The following TAFA5 variants were observed in gnomAD, a reference collection of about 807,000 sequenced individuals.
TAFA5 encodes the protein TAFA chemokine like family member 5, also known as chemokine-like protein TAFA-5.
In TAFA5, 6 loss-of-function variants were observed where a neutral mutation model predicts 15.3. The observed-to-expected ratio is 0.39, with a 90% CI of 0.21 to 0.77. The LOEUF (loss-of-function observed/expected upper bound fraction) is 0.77, where lower values mean the gene tolerates loss of function less well. Among genes scored for constraint, TAFA5 ranks in the 30% least tolerant of loss-of-function variants. The pLI is 0.41. For missense variants in TAFA5, 161 were observed against 193.1 expected (o/e 0.83, Z 0.98); for synonymous variants, 103 against 80.7 (o/e 1.28, Z -1.48).
chr22:48,682,869 G>A (rs1389252617), intron 2 of TAFA5, among the ~76,000 whole-genome samples: 1 of 152,130 alleles, frequency 6.6e-6, no homozygotes, highest in Non-Finnish European at 1.5e-5. Context: ...TCAAGGTTGT[G>A]TTTCATTACA....
At position 48,583,251 on chromosome 22, in the gene TAFA5, C is replaced by A. The variant is rs541017520; in HGVS notation, c.113-63346C>A. On this transcript the variant is annotated intron_variant, in intron 1 of 3. Coordinates refer to ENST00000402357, the MANE Select transcript of TAFA5 (RefSeq NM_001082967.3). Reference sequence around the variant, plus strand: ...AAATACACCACACACCGCACACACACCACACACTATACACACACCACACAC... The same window carrying A: ...AAATACACCACACACCGCACACACAACACACACTATACACACACCACACAC... 2.3e-3 allele frequency among the ~76,000 whole-genome samples: 321 copies of A among 139,162 alleles called. 2 individuals carry two copies. Among genetic ancestry groups the A allele is most frequent in the Non-Finnish European group, 8.4e-4 (54 of 64,538 alleles). 91.3% of individuals were successfully genotyped at this position (139,162 alleles called of 152,430 possible).
intron 1 of TAFA5, among the ~76,000 whole-genome samples, chr22:48,613,705 C>G (rs972268615): frequency 6.6e-6 from 1 of 152,222 alleles, no homozygotes; most frequent in Non-Finnish European, 1.5e-5. Context: ...GGCCTTTCCC[C>G]GGCTGCCCTT....
intron 1 of TAFA5, among the ~76,000 whole-genome samples, chr22:48,603,248 G>A (rs1235685664): frequency 2.0e-5 from 3 of 152,234 alleles, no homozygotes; most frequent in Non-Finnish European, 2.9e-5. Flanking sequence ...AGTTCCGGTA[G>A]GGGGAGGGCT....
chr22:48,648,765 T>C (rs965713501), intron 2 of TAFA5, among the ~76,000 whole-genome samples: 5 of 151,618 alleles, frequency 3.3e-5, no homozygotes, highest in Non-Finnish European at 5.9e-5. Flanking sequence ...GAGGCGGAGG[T>C]TGCAGTGAGC....
At chr22:48,585,172 G>A (rs972778705) in intron 1 of TAFA5, among the ~76,000 whole-genome samples, 2 of 130,640 alleles carry the variant, frequency 1.5e-5, no homozygotes, top group East Asian at 2.4e-4. Flanking sequence ...CACCACACAC[G>A]ACACACTGTG....
At chr22:48,547,643 G>A (rs1019307007) in intron 1 of TAFA5, among the ~76,000 whole-genome samples, 2 of 152,126 alleles carry the variant, frequency 1.3e-5, no homozygotes, top group Non-Finnish European at 2.9e-5. Flanking sequence ...TCCACTTTAG[G>A]GACATTATCT....
chr22:48,648,490 A>G (rs1926943526), intron 2 of TAFA5, among the ~76,000 whole-genome samples: 1 of 152,150 alleles, frequency 6.6e-6, no homozygotes, highest in East Asian at 1.9e-4. Flanking sequence ...GCGTACAGAG[A>G]CAGGGCCAAG....
chr22:48,549,865 C>T (rs776894097), intron 1 of TAFA5, among the ~76,000 whole-genome samples: 1 of 152,224 alleles, frequency 6.6e-6, no homozygotes, highest in African/African-American at 2.4e-5. Context: ...CAAAGTCCCC[C>T]GCTAGCAGTG....
chr22:48,731,375 C>T (rs1301827381), intron 3 of TAFA5, among the ~76,000 whole-genome samples: 8 of 152,228 alleles, frequency 5.3e-5, no homozygotes, highest in Non-Finnish European at 2.9e-5. Context: ...ATGAAGGTGG[C>T]TCCATTAGAC....
intron 1 of TAFA5, among the ~76,000 whole-genome samples, chr22:48,623,653 G>A (rs957667009): frequency 1.3e-5 from 2 of 152,260 alleles, no homozygotes; most frequent in African/African-American, 4.8e-5. Flanking sequence ...TGTGCAGGAG[G>A]AAGAGCCAGC....
chr22:48,533,283 G>A (rs1233100154), intron 1 of TAFA5, among the ~76,000 whole-genome samples: 2 of 152,156 alleles, frequency 1.3e-5, no homozygotes, highest in African/African-American at 4.8e-5. Flanking sequence ...TGAGGGGGAG[G>A]GGTGCAGCCG....
rs529085831 is a variant in TAFA5, at chr22:48,551,191, C to G, written c.112+61487C>G. Among the ~76,000 whole-genome samples, 12 of 152,190 alleles carry G rather than the reference C, an allele frequency of 7.9e-5. No individual in the cohort carries two copies. In the South Asian group the frequency reaches 2.5e-3, roughly 32 times the overall value. On this transcript the variant is annotated intron_variant, in intron 1 of 3. Transcript: ENST00000402357. ...ACAGCCATGCTGAAGACCCCTCAGC[C>G]TGGGCTCCCAGGGCCCCTGACCCTG...
At chr22:48,708,940 T>G (rs1929166802) in intron 3 of TAFA5, among the ~76,000 whole-genome samples, 1 of 151,922 alleles carries the variant, frequency 6.6e-6, no homozygotes, top group Non-Finnish European at 1.5e-5. Flanking sequence ...TTTGGTGGAG[T>G]TGCTGCAAGG....
chr22:48,593,018 G>T (rs1474526060), intron 1 of TAFA5, among the ~76,000 whole-genome samples: 1 of 152,154 alleles, frequency 6.6e-6, no homozygotes, highest in East Asian at 1.9e-4. Flanking sequence ...GAGTGGGGCG[G>T]GGGGGTCTGT....
intron 1 of TAFA5, among the ~76,000 whole-genome samples, chr22:48,538,141 AAG>A (rs1430769874): frequency 2.7e-5 from 4 of 150,186 alleles, no homozygotes; most frequent in Admixed American, 1.3e-4. Flanking sequence ...ATAACAAAAA[AAG>A]AAAAATACGT....
intron 2 of TAFA5, among the ~76,000 whole-genome samples, chr22:48,666,514 T>TACTGAGGCCCGTGACTAGGTGA (rs1555897556): frequency 7.8e-4 from 116 of 148,348 alleles, no homozygotes; most frequent in South Asian, 3.0e-3. Context: ...TGACCAGGCG[T>TACTGAGGCCCGTGACTAGGTGA]TACTGAGGCC....
chr22:48,567,573 C>T (rs1038659678), intron 1 of TAFA5, among the ~76,000 whole-genome samples: 1 of 152,116 alleles, frequency 6.6e-6, no homozygotes, highest in Admixed American at 6.6e-5. Flanking sequence ...GCAGGGCTGG[C>T]CAGCGTGGGC....
rs1928362596 is a variant in TAFA5, at chr22:48,497,277, G to GC, written c.112+7573_112+7574insC. ...GGGAGGACGCAGGGAGGAGAAGCCG[G>GC]GGCCTGCGGTCCCACGGGGCCCGGC... On this transcript the variant is annotated intron_variant, in intron 1 of 3. Coordinates refer to ENST00000402357, the MANE Select transcript of TAFA5 (RefSeq NM_001082967.3). Among the ~76,000 whole-genome samples, 4 of 152,220 alleles carry GC rather than the reference G, an allele frequency of 2.6e-5. No homozygotes were observed. In the South Asian group the frequency reaches 6.2e-4, roughly 24 times the overall value.
intron 2 of TAFA5, among the ~76,000 whole-genome samples, chr22:48,662,441 C>T (rs2147215261): frequency 6.6e-6 from 1 of 152,110 alleles, no homozygotes; most frequent in South Asian, 2.1e-4. Flanking sequence ...TCAGGCTGGG[C>T]AGAAAGTGGC....
Sources: gnomAD v4.1 joint callset for allele counts (sites outside exome capture counted in the v4.1 genomes callset) on GRCh38, gnomAD v4.1.1 for gene constraint, MANE v1.5 for transcripts, NCBI Gene and HGNC (gene_info 2026-07-23, HGNC 2026-07-21) for gene names.